The following CFAP221 variants were observed in gnomAD, a reference collection of about 807,000 sequenced individuals.
CFAP221 encodes the protein cilia and flagella associated protein 221, also known as cilia- and flagella-associated protein 221.
A neutral mutation model predicts 113.1 loss-of-function variants in CFAP221; 97 were observed. The ratio of observed to expected loss-of-function variants is 0.86; its 90% CI spans 0.73 to 1.02. The LOEUF (loss-of-function observed/expected upper bound fraction) is 1.02, where lower values mean the gene tolerates loss of function less well. Among genes scored for constraint, CFAP221 ranks in the 50% least tolerant of loss-of-function variants. CFAP221 has a pLI of 0.00. For missense variants in CFAP221, 1,025 were observed against 1,013.4 expected (o/e 1.01, Z -0.16); for synonymous variants, 331 against 354.4 (o/e 0.93, Z 0.74).
chr2:119,635,037 A>G (rs1295140511), intron 19 of CFAP221, among the ~76,000 whole-genome samples: 1 of 152,228 alleles, frequency 6.6e-6, no homozygotes, highest in Non-Finnish European at 1.5e-5. Flanking sequence ...CAAACAATCC[A>G]ATTTTAAAAT....
At chr2:119,586,269 G>T (rs1016367364) in intron 6 of CFAP221, among the ~76,000 whole-genome samples, 1 of 152,256 alleles carries the variant, frequency 6.6e-6, no homozygotes, top group African/African-American at 2.4e-5. Context: ...GCTGCAAGGG[G>T]ACCCAATAAC....
At chr2:119,594,338 C>T (rs778183301) in intron 7 of CFAP221, among the ~76,000 whole-genome samples, 13 of 151,950 alleles carry the variant, frequency 8.6e-5, no homozygotes, top group African/African-American at 1.2e-4. Flanking sequence ...CAGGTTCAAG[C>T]GATCCTCCTG....
At chr2:119,633,477 A>G (rs1158608254) in intron 19 of CFAP221, among the ~76,000 whole-genome samples, 1 of 152,024 alleles carries the variant, frequency 6.6e-6, no homozygotes, top group South Asian at 2.1e-4. Context: ...ACTTGTATCC[A>G]GAATATATAA....
intron 3 of CFAP221, among the ~76,000 whole-genome samples, chr2:119,553,336 G>A (rs1035433084): frequency 6.6e-6 from 1 of 152,206 alleles, no homozygotes; most frequent in Non-Finnish European, 1.5e-5. Context: ...GGTTTGCCTG[G>A]ATGGTAGGGC....
intron 6 of CFAP221, among the ~76,000 whole-genome samples, chr2:119,579,740 A>G (rs137899355): frequency 0.028 from 4,195 of 152,316 alleles, 71 homozygotes; most frequent in Non-Finnish European, 0.041. Flanking sequence ...TTTCTATGGG[A>G]CTTATCAGAG....
At chr2:119,547,620 A>G (rs993011765) in intron 2 of CFAP221, among the ~76,000 whole-genome samples, 1 of 152,310 alleles carries the variant, frequency 6.6e-6, no homozygotes, top group South Asian at 2.1e-4. Context: ...ATTACGGAAT[A>G]TGGTAATTTC....
chr2:119,556,346 C>G (rs975890402), intron 3 of CFAP221: 1 of 152,202 alleles, frequency 6.6e-6, no homozygotes, highest in African/African-American at 2.4e-5. Flanking sequence ...TTCTGAGCTC[C>G]TATTAACTAA....
rs1266424414 is a variant in CFAP221, at chr2:119,587,224, T to C, written c.631+2T>C. On this transcript the variant is annotated splice_donor_variant, in intron 7 of 23. Coordinates refer to ENST00000413369, the MANE Select transcript of CFAP221 (RefSeq NM_001271049.2). LOFTEE classifies it high-confidence loss of function. Reference sequence around the variant, plus strand: ...CCTTTGCTATTGAGCCAACATCAGGTAAGGAGTGTCAAGATTTCAAGTTCT... The same window carrying C: ...CCTTTGCTATTGAGCCAACATCAGGCAAGGAGTGTCAAGATTTCAAGTTCT... 32 of 1,493,440 alleles carry C rather than the reference T, an allele frequency of 2.1e-5. No homozygotes were observed. The highest frequency in any genetic ancestry group is 2.8e-5 in the Non-Finnish European group (32 of 1,124,500). The allele number at this position is 1,493,440 out of a possible 1,614,324, so 92.5% of individuals were successfully genotyped here.
chr2:119,646,911 C>T (rs1417387136), intron 21 of CFAP221, 47 bp from the exon 22 acceptor site: 1 of 1,515,688 alleles, frequency 6.6e-7, no homozygotes, highest in African/African-American at 1.4e-5. Flanking sequence ...GACCCCAAGA[C>T]TTCTAGTGTG....
chr2:119,638,688 G>A (rs1558986852), intron 20 of CFAP221, among the ~76,000 whole-genome samples: 1 of 152,160 alleles, frequency 6.6e-6, no homozygotes, highest in Non-Finnish European at 1.5e-5. Context: ...TCACGTGTTT[G>A]TATTTCAATC....
chr2:119,650,233 C>A (rs1688046395), intron 22 of CFAP221, among the ~76,000 whole-genome samples: 1 of 152,222 alleles, frequency 6.6e-6, no homozygotes, highest in African/African-American at 2.4e-5. Flanking sequence ...TTAGTGGAAC[C>A]CTAAATATGT....
rs573649148 is a variant in CFAP221 at position 119,583,704 on chromosome 2, A to G, written c.528-3415A>G. On this transcript the variant is annotated intron_variant, in intron 6 of 23. Transcript: ENST00000413369. ...CTCAAAATGTATGTGTTTAAATCTA[A>G]CCCCCAAGGTGATCTATTAGGAGGT... Among the ~76,000 whole-genome samples, 366 of 152,176 alleles carry G rather than the reference A, an allele frequency of 2.4e-3. 3 individuals are homozygous for G. Among genetic ancestry groups the G allele is most frequent in the South Asian group, 0.011 (51 of 4,820 alleles).
Position 119,656,539 on chromosome 2 carries a change from C to CAT in CFAP221, c.*70_*71dup. On this transcript the variant is annotated 3_prime_UTR_variant, in exon 24 of 24. Coordinates refer to ENST00000413369, the MANE Select transcript of CFAP221 (RefSeq NM_001271049.2). ...CACTGTGGCCCCTTGCGTCCATTTACATGCCAGCCATCTCTGCAATTAAAG... is the reference window on the plus strand; with the variant it reads ...CACTGTGGCCCCTTGCGTCCATTTACATATGCCAGCCATCTCTGCAATTAAAG... The CAT allele has an allele frequency of 2.0e-6, 2 of 998,956 alleles. No individual in the cohort carries two copies. Among genetic ancestry groups the CAT allele is most frequent in the Admixed American group, 4.1e-5 (2 of 48,798 alleles). 61.9% of individuals were successfully genotyped at this position (998,956 alleles called of 1,614,324 possible). A position where few individuals can be genotyped will look rare whatever the true frequency, so the allele number is the denominator to read the frequency against.
chr2:119,571,133 C>CTTTTTTTTTTTTTT (rs34017847), intron 6 of CFAP221, among the ~76,000 whole-genome samples: 2 of 93,132 alleles, frequency 2.1e-5, no homozygotes, highest in Admixed American at 1.3e-4. Flanking sequence ...TAACAACCCC[C>CTTTTTTTTTTTTTT]TTTTTTTTTT....
At chr2:119,650,029 T>A (rs1688034012) in intron 22 of CFAP221, among the ~76,000 whole-genome samples, 1 of 152,222 alleles carries the variant, frequency 6.6e-6, no homozygotes, top group Admixed American at 6.5e-5. Flanking sequence ...AAATTATCAC[T>A]GTCATGATCA....
rs533340736 is a variant in CFAP221, at chr2:119,638,180, A to G, written c.1975-79A>G. ...GTTAGTGCTAGTGGGAGCCACAGAC[A>G]GCATTAGCTGATGCCTGTCCTATGC... is the stretch of plus-strand genomic sequence containing the variant. On this transcript the variant is annotated intron_variant, in intron 19 of 23. Transcript: ENST00000413369. The G allele has an allele frequency of 1.7e-5, 25 of 1,473,576 alleles. No individual in the cohort carries two copies. In the Admixed American group the frequency reaches 2.2e-4, roughly 13 times the overall value. 91.3% of individuals were successfully genotyped at this position (1,473,576 alleles called of 1,614,324 possible).
At chr2:119,606,378 C>A (rs554551005) in intron 11 of CFAP221, among the ~76,000 whole-genome samples, 3 of 152,180 alleles carry the variant, frequency 2.0e-5, no homozygotes, top group Non-Finnish European at 4.4e-5. Context: ...AGCCTCCACC[C>A]TTCCCGACAC....
chr2:119,582,594 T>A (rs1388728123), intron 6 of CFAP221, among the ~76,000 whole-genome samples: 1 of 151,958 alleles, frequency 6.6e-6, no homozygotes, highest in African/African-American at 2.4e-5. Flanking sequence ...CAGCTGGGAC[T>A]ACAGGCACAC....
intron 6 of CFAP221, among the ~76,000 whole-genome samples, chr2:119,569,580 T>C (rs893912941): frequency 6.6e-6 from 1 of 152,188 alleles, no homozygotes; most frequent in African/African-American, 2.4e-5. Flanking sequence ...TAAATATTTC[T>C]TCTATTTTTT....
Sources: gnomAD v4.1 joint callset for allele counts (sites outside exome capture counted in the v4.1 genomes callset) on GRCh38, gnomAD v4.1.1 for gene constraint, MANE v1.5 for transcripts, NCBI Gene and HGNC (gene_info 2026-07-23, HGNC 2026-07-21) for gene names.